The following COG5 variants were observed in gnomAD, a reference collection of about 807,000 sequenced individuals.
The protein encoded by COG5 is conserved oligomeric Golgi complex subunit 5.
In COG5, 86 loss-of-function variants were observed where a neutral mutation model predicts 110.4. The observed-to-expected ratio is 0.78, with a 90% CI of 0.65 to 0.93. The LOEUF is 0.93. Among genes scored for constraint, COG5 ranks in the 40% least tolerant of loss-of-function variants. The pLI is 0.00. For missense variants in COG5, 1,077 were observed against 987.0 expected, an observed-to-expected ratio of 1.09 and a Z score of -1.22; for synonymous variants, 360 against 334.6, an observed-to-expected ratio of 1.08 and a Z score of -0.83.
At chr7:107,232,136 A>G (rs1441083300) in intron 18 of COG5, among the ~76,000 whole-genome samples, 1 of 152,220 alleles carries the variant, frequency 6.6e-6, no homozygotes, top group Non-Finnish European at 1.5e-5. Flanking sequence ...CTGGGAAACT[A>G]TAAAATGAAG....
chr7:107,297,612 C>G (rs1428653403), intron 12 of COG5, among the ~76,000 whole-genome samples: 1 of 151,848 alleles, frequency 6.6e-6, no homozygotes, highest in African/African-American at 2.4e-5. Flanking sequence ...CCATGCCCAG[C>G]TAATCTTTGT....
chr7:107,300,275 C>G (rs1807150794), intron 11 of COG5, among the ~76,000 whole-genome samples: 2 of 152,070 alleles, frequency 1.3e-5, no homozygotes, highest in South Asian at 4.1e-4. Context: ...AGCAACAAGA[C>G]AACAATGTTA....
At chr7:107,536,090 C>T (rs983702206) in intron 5 of COG5, among the ~76,000 whole-genome samples, 3 of 152,028 alleles carry the variant, frequency 2.0e-5, no homozygotes, top group Non-Finnish European at 4.4e-5. Flanking sequence ...GAAAAGGCCA[C>T]AAAATTCAAC....
At chr7:107,337,146 T>A (rs1263331289) in intron 10 of COG5, among the ~76,000 whole-genome samples, 2 of 151,412 alleles carry the variant, frequency 1.3e-5, no homozygotes, top group Non-Finnish European at 2.9e-5. Context: ...AAACAAAAAA[T>A]AACACATACT....
chr7:107,215,998 T>A (rs1799503414), intron 19 of COG5, among the ~76,000 whole-genome samples: 1 of 152,188 alleles, frequency 6.6e-6, no homozygotes, highest in East Asian at 1.9e-4. Context: ...CATGAGCCAC[T>A]GCGCCTGGCC....
chr7:107,392,390 C>A (rs1790683613), intron 7 of COG5, among the ~76,000 whole-genome samples: 1 of 151,982 alleles, frequency 6.6e-6, no homozygotes, highest in South Asian at 2.1e-4. Context: ...CTATCATTTC[C>A]TAAAGACAGG....
chr7:107,438,961 C>G (rs960589988), intron 6 of COG5, among the ~76,000 whole-genome samples: 6 of 152,284 alleles, frequency 3.9e-5, no homozygotes, highest in African/African-American at 1.4e-4. Context: ...CTGACACTTT[C>G]AGGCTCTTCT....
chr7:107,260,667 A>C (rs1224967562), intron 14 of COG5, among the ~76,000 whole-genome samples: 1 of 152,196 alleles, frequency 6.6e-6, no homozygotes, highest in African/African-American at 2.4e-5. Flanking sequence ...AGATGACTTA[A>C]GTTCAAAAGA....
intron 6 of COG5, among the ~76,000 whole-genome samples, chr7:107,414,619 T>A (rs1211608021): frequency 1.3e-5 from 2 of 150,840 alleles, no homozygotes; most frequent in African/African-American, 4.8e-5. Flanking sequence ...CTTCCATTCA[T>A]GAACCTCTGG....
intron 5 of COG5, among the ~76,000 whole-genome samples, chr7:107,544,303 T>C (rs1802262028): frequency 6.6e-6 from 1 of 152,100 alleles, no homozygotes; most frequent in Non-Finnish European, 1.5e-5. Flanking sequence ...CAGCAACTGG[T>C]TGGCTCCTGC....
chr7:107,311,224 T>C (rs944330691), intron 11 of COG5, among the ~76,000 whole-genome samples: 2 of 152,182 alleles, frequency 1.3e-5, no homozygotes, highest in African/African-American at 2.4e-5. Flanking sequence ...TAATTAACAA[T>C]GTGTGAGACT....
chr7:107,303,324 C>G (rs957578039), intron 11 of COG5, among the ~76,000 whole-genome samples: 10 of 152,086 alleles, frequency 6.6e-5, no homozygotes, highest in Non-Finnish European at 1.5e-4. Context: ...ATTATCTCAG[C>G]AAATGTGATT....
chr7:107,304,934 A>G (rs1807578979), intron 11 of COG5, among the ~76,000 whole-genome samples: 1 of 152,244 alleles, frequency 6.6e-6, no homozygotes, highest in Admixed American at 6.5e-5. Context: ...AGGGTAAACA[A>G]AATAAGCAAG....
At chr7:107,240,211 C>CTTAT (rs954430356) in intron 17 of COG5, among the ~76,000 whole-genome samples, 8 of 152,076 alleles carry the variant, frequency 5.3e-5, no homozygotes, top group Non-Finnish European at 7.4e-5. Context: ...TTACTCTTTA[C>CTTAT]TTATTTATTT....
chr7:107,455,494 C>G (rs1409818454), intron 6 of COG5, among the ~76,000 whole-genome samples: 2 of 152,046 alleles, frequency 1.3e-5, no homozygotes, highest in Non-Finnish European at 1.5e-5. Context: ...GGTCTCAGCC[C>G]TCAAGCTGAA....
chr7:107,502,168 T>A (rs1378525012), intron 6 of COG5, among the ~76,000 whole-genome samples: 1 of 152,100 alleles, frequency 6.6e-6, no homozygotes, highest in Non-Finnish European at 1.5e-5. Context: ...ACATTCTCAA[T>A]ACCCTTCCTC....
intron 5 of COG5, among the ~76,000 whole-genome samples, chr7:107,546,435 G>GTTTTTTTTTTTTTTTTTTTTTTTT (rs754919944): frequency 2.5e-5 from 3 of 119,518 alleles, no homozygotes; most frequent in Non-Finnish European, 3.4e-5. Flanking sequence ...TTGGTTTTTT[G>GTTTTTTTTTTTTTTTTTTTTTTTT]TTTTTTTTTT....
At chr7:107,341,701 G>T (rs1160351746) in intron 10 of COG5, among the ~76,000 whole-genome samples, 1 of 152,058 alleles carries the variant, frequency 6.6e-6, no homozygotes, top group African/African-American at 2.4e-5. Context: ...ACAGAATGGA[G>T]AACTCAGATA....
chr7:107,514,310 A>G (rs1799761584), intron 6 of COG5, among the ~76,000 whole-genome samples: 1 of 149,966 alleles, frequency 6.7e-6, no homozygotes, highest in South Asian at 2.1e-4. Flanking sequence ...TACATTTTCT[A>G]TATAAACATG....
Sources: allele counts gnomAD v4.1 joint callset (sites outside exome capture counted in the v4.1 genomes callset), GRCh38; gene constraint gnomAD v4.1.1; transcripts MANE v1.5; gene names NCBI Gene and HGNC (gene_info 2026-07-23, HGNC 2026-07-21).